PLCB1: variants seen among roughly 807,000 people sequenced by gnomAD.
PLCB1 encodes 1-phosphatidylinositol 4,5-bisphosphate phosphodiesterase beta-1.
In PLCB1, 46 loss-of-function variants were observed where a neutral mutation model predicts 161.8. The observed-to-expected ratio is 0.28, with a 90% CI of 0.22 to 0.36. PLCB1 has a LOEUF of 0.36. Ranked by LOEUF, PLCB1 falls within the 10% of genes least tolerant of loss-of-function variation. PLCB1 has a pLI of 1.00. For synonymous variants in PLCB1, 517 were observed against 503.7 expected, an observed-to-expected ratio of 1.03 and a Z score of -0.35; for missense variants, 1,016 against 1,472.5, an observed-to-expected ratio of 0.69 and a Z score of 5.07.
At chr20:8,728,760 C>T (rs1351958768) in intron 17 of PLCB1, among the ~76,000 whole-genome samples, 1 of 151,990 alleles carries the variant, frequency 6.6e-6, no homozygotes, top group Non-Finnish European at 1.5e-5. Flanking sequence ...AAAGGTGATG[C>T]TATGCCTATG....
At chr20:8,674,015 G>A (rs1990014139) in intron 9 of PLCB1, among the ~76,000 whole-genome samples, 1 of 152,122 alleles carries the variant, frequency 6.6e-6, no homozygotes, top group Non-Finnish European at 1.5e-5. Flanking sequence ...CTCAAACAGT[G>A]ACTGATGGGA....
intron 2 of PLCB1, among the ~76,000 whole-genome samples, chr20:8,258,551 T>A (rs1173274259): frequency 1.3e-5 from 2 of 152,176 alleles, no homozygotes; most frequent in African/African-American, 4.8e-5. Context: ...CCCTGCAAAG[T>A]GCTAGACCTT....
At chr20:8,469,690 T>C (rs1441966989) in intron 3 of PLCB1, among the ~76,000 whole-genome samples, 10 of 152,196 alleles carry the variant, frequency 6.6e-5, no homozygotes, top group Non-Finnish European at 1.5e-4. Context: ...TTTCCAGCTT[T>C]GCTTTGTTTC....
chr20:8,148,169 T>A (rs1160266494), intron 1 of PLCB1, among the ~76,000 whole-genome samples: 2 of 152,068 alleles, frequency 1.3e-5, no homozygotes, highest in Admixed American at 1.3e-4. Context: ...GAAGTGGGAA[T>A]GTGTGCTGTG....
chr20:8,555,820 T>C (rs1469897154), intron 3 of PLCB1, among the ~76,000 whole-genome samples: 1 of 152,110 alleles, frequency 6.6e-6, no homozygotes, highest in African/African-American at 2.4e-5. Flanking sequence ...TTTCCATGTC[T>C]GCCCCAAATA....
At chr20:8,221,209 A>G (rs973914571) in intron 2 of PLCB1, among the ~76,000 whole-genome samples, 11 of 152,160 alleles carry the variant, frequency 7.2e-5, no homozygotes, top group African/African-American at 2.7e-4. Context: ...TCTAGTTTAT[A>G]AGACTGTGAG....
chr20:8,524,517 C>T (rs943519724), intron 3 of PLCB1, among the ~76,000 whole-genome samples: 1 of 152,114 alleles, frequency 6.6e-6, no homozygotes, highest in Non-Finnish European at 1.5e-5. Context: ...TTTGTCTTCT[C>T]AAGGTCATGT....
chr20:8,585,938 G>A (rs193079080), intron 3 of PLCB1, among the ~76,000 whole-genome samples: 13 of 151,718 alleles, frequency 8.6e-5, no homozygotes, highest in South Asian at 4.2e-4. Context: ...TATTTTTCCC[G>A]TTAGATTGTA....
In PLCB1 at chr20:8,493,679, T is replaced by C. The variant is rs139211725; in HGVS notation, c.246+122229T>C. Among the ~76,000 whole-genome samples, 373 of 128,534 alleles carry C rather than the reference T, an allele frequency of 2.9e-3. 13 individuals are homozygous for C. Among genetic ancestry groups the C allele is most frequent in the African/African-American group, 0.011 (306 of 28,040 alleles). 84.3% of individuals were successfully genotyped at this position (128,534 alleles called of 152,430 possible). On this transcript the variant is annotated intron_variant, in intron 3 of 31. Transcript: ENST00000338037. ...AGGTAGTAGCCCTTACCTTGGTGTA[T>C]GAGAGTCTGCATGAGTGCTGTGTGC...
rs115219744 is a variant in PLCB1, at chr20:8,166,792, T to G, written c.177+16421T>G. Among the ~76,000 whole-genome samples, 431 of 152,252 alleles carry G rather than the reference T, an allele frequency of 2.8e-3. 2 individuals carry two copies. Among genetic ancestry groups the G allele is most frequent in the African/African-American group, 9.8e-3 (407 of 41,538 alleles). On this transcript the variant is annotated intron_variant, in intron 2 of 31. Coordinates refer to ENST00000338037, the MANE Select transcript of PLCB1 (RefSeq NM_015192.4). Reference sequence around the variant, plus strand: ...TGTGCTCCGTCCACAATAGCCGCCTTCTGTTTCCCTAGACACGGCATATTT... The same window carrying G: ...TGTGCTCCGTCCACAATAGCCGCCTGCTGTTTCCCTAGACACGGCATATTT...
chr20:8,880,856 C>CTTTTTTTTTTTTTTTTTTTTTTT (rs753470997), intron 31 of PLCB1: 5 of 107,584 alleles, frequency 4.6e-5, no homozygotes, highest in African/African-American at 1.2e-4. Flanking sequence ...TTCTTTCTTT[C>CTTTTTTTTTTTTTTTTTTTTTTT]TTTCTTTTTT....
rs141096573 is a variant in PLCB1 at position 8,601,705 on chromosome 20, C to A, written c.247-26589C>A. Among the ~76,000 whole-genome samples the A allele has an allele frequency of 3.8e-3, 576 of 152,244 alleles. 4 individuals are homozygous for A. The highest frequency in any genetic ancestry group is 0.013 in the African/African-American group (550 of 41,546). On this transcript the variant is annotated intron_variant, in intron 3 of 31. Coordinates refer to ENST00000338037, the MANE Select transcript of PLCB1 (RefSeq NM_015192.4). Reference sequence around the variant, plus strand: ...GTGATGTGCAAAGCCAGGACTCACCCAGGTTATTCATTCCTAAACTAGAAC... The same window carrying A: ...GTGATGTGCAAAGCCAGGACTCACCAAGGTTATTCATTCCTAAACTAGAAC...
chr20:8,171,393 C>T (rs79944692), intron 2 of PLCB1, among the ~76,000 whole-genome samples: 7,375 of 151,862 alleles, frequency 0.049, 216 homozygotes, highest in Middle Eastern at 0.13. Flanking sequence ...TTTATTTGTT[C>T]ATATGTTATG....
intron 3 of PLCB1, among the ~76,000 whole-genome samples, chr20:8,621,086 A>G (rs183141353): frequency 2.2e-4 from 33 of 152,344 alleles, no homozygotes; most frequent in African/African-American, 7.2e-4. Context: ...GTGTCTGTGC[A>G]TTCTATTAAC....
intron 3 of PLCB1, among the ~76,000 whole-genome samples, chr20:8,437,186 C>T (rs939931999): frequency 6.6e-6 from 1 of 152,160 alleles, no homozygotes; most frequent in Non-Finnish European, 1.5e-5. Flanking sequence ...ACCATGCAGG[C>T]TGGAGTTACA....
At chr20:8,715,184 C>G (rs565402473) in intron 12 of PLCB1, among the ~76,000 whole-genome samples, 1 of 152,100 alleles carries the variant, frequency 6.6e-6, no homozygotes, top group African/African-American at 2.4e-5. Context: ...CCATAAAACC[C>G]AAAGGAACTG....
At chr20:8,409,362 G>A (rs1978934993) in intron 3 of PLCB1, among the ~76,000 whole-genome samples, 1 of 152,044 alleles carries the variant, frequency 6.6e-6, no homozygotes, top group South Asian at 2.1e-4. Flanking sequence ...TAGCAATCAG[G>A]GGTCTGCAGA....
chr20:8,692,445 G>GC (rs1990499795), intron 10 of PLCB1, among the ~76,000 whole-genome samples: 1 of 152,142 alleles, frequency 6.6e-6, no homozygotes, highest in African/African-American at 2.4e-5. Context: ...AATAAACAGG[G>GC]CCCAGTTTAA....
chr20:8,577,218 G>C (rs1024112212), intron 3 of PLCB1, among the ~76,000 whole-genome samples: 1 of 151,354 alleles, frequency 6.6e-6, no homozygotes, highest in Non-Finnish European at 1.5e-5. Flanking sequence ...TCACGAGGTT[G>C]GGAGATCGAG....
Sources: gnomAD v4.1 joint callset for allele counts (sites outside exome capture counted in the v4.1 genomes callset) on GRCh38, gnomAD v4.1.1 for gene constraint, MANE v1.5 for transcripts, NCBI Gene and HGNC (gene_info 2026-07-23, HGNC 2026-07-21) for gene names.